STAP1: variants seen among roughly 807,000 people sequenced by gnomAD.
The protein encoded by STAP1 is signal transducing adaptor family member 1, also known as signal-transducing adaptor protein 1.
STAP1 carries 30 observed loss-of-function variants against 37.8 expected under a neutral mutation model. That is an observed-to-expected ratio of 0.79 (90% confidence interval 0.59 to 1.08). The LOEUF (loss-of-function observed/expected upper bound fraction) is 1.08, where lower values mean the gene tolerates loss of function less well. Ranked by LOEUF, STAP1 falls within the 50% of genes least tolerant of loss-of-function variation. The pLI is 0.00. For missense variants in STAP1, 357 were observed against 349.4 expected, an observed-to-expected ratio of 1.02 and a Z score of -0.17; for synonymous variants, 130 against 116.0, an observed-to-expected ratio of 1.12 and a Z score of -0.78.
intron 8 of STAP1, among the ~76,000 whole-genome samples, chr4:67,597,489 A>G (rs1342387743): frequency 6.6e-6 from 1 of 152,198 alleles, no homozygotes; most frequent in Non-Finnish European, 1.5e-5. Context: ...GAGAACCACC[A>G]TCCTCCAGAA....
At position 67,570,526 on chromosome 4, in the gene STAP1, G is replaced by A. The variant is rs553590916; in HGVS notation, c.121-558G>A. 3.3e-5 allele frequency among the ~76,000 whole-genome samples: 5 copies of A among 152,294 alleles called. No individual in the cohort carries two copies. In the East Asian group the frequency reaches 9.6e-4, roughly 29 times the overall value. The stretch of plus-strand genomic sequence containing the variant: ...AACTTGAGAATGATTTAATCAAGTG[G>A]TGGCATGGGCCTGTAGTCCTAGCTA... On this transcript the variant is annotated intron_variant, in intron 1 of 8. Transcript: ENST00000265404.
intron 1 of STAP1, among the ~76,000 whole-genome samples, chr4:67,569,418 A>T (rs1224858345): frequency 6.6e-6 from 1 of 152,128 alleles, no homozygotes; most frequent in African/African-American, 2.4e-5. Context: ...GTTTATAAAA[A>T]ATGTTTTTCT....
chr4:67,594,590 A>C (rs996704230), intron 8 of STAP1, among the ~76,000 whole-genome samples: 1 of 152,176 alleles, frequency 6.6e-6, no homozygotes. Flanking sequence ...CAACTTCTAC[A>C]TATTAATCCA....
Position 67,575,342 on chromosome 4 carries a change from T to A in STAP1, c.193-43T>A, listed in dbSNP as rs1325196040. On this transcript the variant is annotated intron_variant, in intron 2 of 8. Transcript: ENST00000265404. ...GCTTCCTGCTAGAACTAATGTGTATTACCCATGAAATAATGTAATGTGATC... is the reference window on the plus strand; with the variant it reads ...GCTTCCTGCTAGAACTAATGTGTATAACCCATGAAATAATGTAATGTGATC... The A allele has an allele frequency of 6.0e-6, 8 of 1,339,494 alleles. No individual in the cohort carries two copies. The African/African-American group carries it at 1.2e-4, about 20-fold the overall frequency. The allele number at this position is 1,339,494 out of a possible 1,614,324, so 83.0% of individuals were successfully genotyped here.
Position 67,581,418 on chromosome 4 carries a change from A to C in STAP1, c.477A>C (p.Glu159Asp). 1 of 1,613,924 alleles carries C rather than the reference A, an allele frequency of 6.2e-7. No individual in the cohort carries two copies. Reference protein sequence around the residue: ...RIETEQSTSVEKEKEPTEDYV... With the variant: ...RIETEQSTSVDKEKEPTEDYV... Reference sequence around the variant, plus strand: ...AGACAGAGCAGAGTACGTCCGTGGAAAAAGAGAAGGAACCAACTGAAGATT... The same window carrying C: ...AGACAGAGCAGAGTACGTCCGTGGACAAAGAGAAGGAACCAACTGAAGATT... The change falls in exon 5 of 9, where the codon GAA becomes GAC. Residue 159 changes from glutamate (E) to aspartate (D), a missense_variant. Physicochemically the swap from Glu to Asp is conservative, Grantham distance 45. Coordinates refer to ENST00000265404, the MANE Select transcript of STAP1 (RefSeq NM_012108.4).
At chr4:67,599,751 C>G (rs527563467) in intron 8 of STAP1, among the ~76,000 whole-genome samples, 2 of 152,138 alleles carry the variant, frequency 1.3e-5, no homozygotes, top group African/African-American at 4.8e-5. Context: ...AAGCGATTCT[C>G]CTGCCTCAGC....
At chr4:67,571,295 T>G (rs1578023626) in intron 2 of STAP1, 140 bp downstream of exon 2, 1 of 572,366 alleles carries the variant, frequency 1.7e-6, no homozygotes. Context: ...TTTAAATCTG[T>G]GGGGGCCGCC....
At chr4:67,579,919 G>A (rs899778213) in intron 4 of STAP1, among the ~76,000 whole-genome samples, 2 of 152,072 alleles carry the variant, frequency 1.3e-5, no homozygotes, top group East Asian at 3.9e-4. Context: ...AGGCTGGAGT[G>A]CAGTGGCTTG....
At chr4:67,562,297 G>T (rs550877969) in intron 1 of STAP1, among the ~76,000 whole-genome samples, 1 of 151,558 alleles carries the variant, frequency 6.6e-6, no homozygotes, top group East Asian at 1.9e-4. Flanking sequence ...AGTCAAGATC[G>T]TGCCACTGCA....
At position 67,606,438 on chromosome 4, in the gene STAP1, T is replaced by G; in HGVS notation, c.*81T>G. On this transcript the variant is annotated 3_prime_UTR_variant, in exon 9 of 9. Coordinates refer to ENST00000265404, the MANE Select transcript of STAP1 (RefSeq NM_012108.4). The stretch of plus-strand genomic sequence containing the variant: ...GTTCTTACTTTTAAAGAGAATTACC[T>G]ATATTCTCCTGATACTGATTACCAA... 8.5e-7 allele frequency: 1 copy of G among 1,176,540 alleles called. No homozygotes were observed. The highest frequency in any genetic ancestry group is 1.2e-6 in the Non-Finnish European group (1 of 827,330). The allele number at this position is 1,176,540 out of a possible 1,614,324, so 72.9% of individuals were successfully genotyped here. A position where few individuals can be genotyped will look rare whatever the true frequency, so the allele number is the denominator to read the frequency against.
intron 6 of STAP1, among the ~76,000 whole-genome samples, chr4:67,589,344 T>C (rs1560464664): frequency 6.6e-6 from 1 of 152,160 alleles, no homozygotes; most frequent in East Asian, 1.9e-4. Context: ...GTTGGTTGGG[T>C]TTTATCCCAT....
At position 67,584,925 on chromosome 4, in the gene STAP1, A is replaced by G. The variant is rs188980148; in HGVS notation, c.659+1223A>G. On this transcript the variant is annotated intron_variant, in intron 6 of 8. Transcript: ENST00000265404. ...AGGGCCACTTAGGAGCCTCTTTGTC[A>G]AGGTTACTAATTTCTTTCTGGTAAA... Among the ~76,000 whole-genome samples, 15 of 152,316 alleles carry G rather than the reference A, an allele frequency of 9.8e-5. No homozygotes were observed. In the East Asian group the frequency reaches 1.9e-3, roughly 20 times the overall value.
At chr4:67,604,105 T>G (rs1161370181) in intron 8 of STAP1, among the ~76,000 whole-genome samples, 1 of 152,236 alleles carries the variant, frequency 6.6e-6, no homozygotes, top group African/African-American at 2.4e-5. Context: ...CCTTCTGTGG[T>G]CCTGGCTGAA....
intron 8 of STAP1, among the ~76,000 whole-genome samples, chr4:67,602,489 G>A (rs559283571): frequency 6.6e-6 from 1 of 152,112 alleles, no homozygotes; most frequent in Non-Finnish European, 1.5e-5. Flanking sequence ...TTCTTGGAAA[G>A]GTTTTCCCAG....
rs185493466 is a variant in STAP1 at position 67,564,584 on chromosome 4, A to G, written c.120+5655A>G. ...CTTTGACTTCAGGGTTTTCTCTTGT[A>G]TTTTTTTCCTCCAGGAATCATACAA... On this transcript the variant is annotated intron_variant, in intron 1 of 8. Coordinates refer to ENST00000265404, the MANE Select transcript of STAP1 (RefSeq NM_012108.4). Among the ~76,000 whole-genome samples, 497 of 152,008 alleles carry G rather than the reference A, an allele frequency of 3.3e-3. 5 individuals are homozygous for G. The highest frequency in any genetic ancestry group is 0.011 in the African/African-American group (454 of 41,442).
At chr4:67,559,541 C>A (rs1727286948) in intron 1 of STAP1, among the ~76,000 whole-genome samples, 1 of 151,914 alleles carries the variant, frequency 6.6e-6, no homozygotes, top group Non-Finnish European at 1.5e-5. Context: ...TACCTTTGCT[C>A]TAAGAAAATC....
At chr4:67,559,726 AC>A (rs1727291628) in intron 1 of STAP1, among the ~76,000 whole-genome samples, 1 of 152,112 alleles carries the variant, frequency 6.6e-6, no homozygotes, top group Admixed American at 6.5e-5. Context: ...GAAATTGTAT[AC>A]TGACTAAAAC....
intron 7 of STAP1, 134 bp from the exon 8 acceptor site, chr4:67,593,126 T>C: frequency 1.7e-6 from 1 of 579,616 alleles, no homozygotes; most frequent in Non-Finnish European, 3.0e-6. Context: ...CAGGGATAGG[T>C]AAAACTATGG....
chr4:67,565,682 C>T (rs1197631065), intron 1 of STAP1, among the ~76,000 whole-genome samples: 1 of 152,036 alleles, frequency 6.6e-6, no homozygotes, highest in Non-Finnish European at 1.5e-5. Flanking sequence ...TTCAACAACT[C>T]TATGGAGCAA....
Sources: allele counts gnomAD v4.1 joint callset (sites outside exome capture counted in the v4.1 genomes callset), GRCh38; gene constraint gnomAD v4.1.1; transcripts MANE v1.5; gene names NCBI Gene and HGNC (gene_info 2026-07-23, HGNC 2026-07-21).